Variants in SLC6A13 observed in about 807,000 individuals in gnomAD.
SLC6A13 encodes sodium- and chloride-dependent GABA transporter 2.
Under a neutral mutation model 72.9 loss-of-function variants are expected in SLC6A13, and 69 were observed. The observed-to-expected ratio is 0.95, with a 90% CI of 0.78 to 1.16. The LOEUF (loss-of-function observed/expected upper bound fraction) is 1.16, where lower values mean the gene tolerates loss of function less well. SLC6A13 is among the 50% of genes most tolerant of loss of function. SLC6A13 has a pLI of 0.00. For synonymous variants in SLC6A13, 303 were observed against 303.0 expected, an observed-to-expected ratio of 1.00 and a Z score of 0.00; for missense variants, 735 against 760.5, an observed-to-expected ratio of 0.97 and a Z score of 0.39.
chr12:223,552 A>AG (rs1278442751), intron 11 of SLC6A13, among the ~76,000 whole-genome samples: 1 of 152,080 alleles, frequency 6.6e-6, no homozygotes, highest in East Asian at 1.9e-4. Context: ...GATCAGGATA[A>AG]GGGCTGTCAT....
At position 222,487 on chromosome 12, in the gene SLC6A13, G is replaced by A. The variant is rs200019507; in HGVS notation, c.1515+45C>T. The A allele has an allele frequency of 9.1e-5, 117 of 1,282,578 alleles. No individual in the cohort carries two copies. In the African/African-American group the frequency reaches 9.8e-4, roughly 11 times the overall value. The allele number at this position is 1,282,578 out of a possible 1,614,324, so 79.4% of individuals were successfully genotyped here. On this transcript the variant is annotated intron_variant, in intron 13 of 14. Coordinates refer to ENST00000343164, the MANE Select transcript of SLC6A13 (RefSeq NM_016615.5). ...GGCTTCTCTACCCCTGCTAGCCACC[G>A]TCTCTCCCTCCCTTCATCTGACTTT...
chr12:221,352 C>T, intron 14 of SLC6A13, 24 bp downstream of exon 14: 1 of 1,561,156 alleles, frequency 6.4e-7, no homozygotes, highest in Non-Finnish European at 8.7e-7. Context: ...CCTCTGGCTG[C>T]TTTCCTGCCC....
Position 259,928 on chromosome 12 carries a change from A to G in SLC6A13, c.125T>C (p.Val42Ala). 6.2e-7 allele frequency: 1 copy of G among 1,614,216 alleles called. No individual in the cohort carries two copies. Among genetic ancestry groups the G allele is most frequent in the Non-Finnish European group, 8.5e-7 (1 of 1,180,014 alleles). Residue 42 changes from valine to alanine, a missense_variant, in exon 2 of 15, where the codon GTG becomes GCG. Val to Ala is a moderately conservative substitution (Grantham distance 64). Coordinates refer to ENST00000343164, the MANE Select transcript of SLC6A13 (RefSeq NM_016615.5). Reference protein sequence around the residue: ...RGHWNNKMEFVLSVAGEIIGL... With the variant: ...RGHWNNKMEFALSVAGEIIGL... ...AATGATCTCCCCAGCCACTGACAGC[A>G]CAAACTCCATCTTGTTGTTCCAGTG...
chr12:236,556 C>T (rs1324309948), intron 6 of SLC6A13, among the ~76,000 whole-genome samples: 1 of 152,224 alleles, frequency 6.6e-6, no homozygotes, highest in Non-Finnish European at 1.5e-5. Context: ...GACACATATT[C>T]AATAAATATT....
chr12:254,303 G>A lies in SLC6A13; in HGVS notation c.202+5548C>T, dbSNP rs1157555215. 1.3e-5 allele frequency among the ~76,000 whole-genome samples: 2 copies of A among 152,174 alleles called. No homozygotes were observed. Among genetic ancestry groups the A allele is most frequent in the African/African-American group, 4.8e-5 (2 of 41,432 alleles). ...GCCCAGAAGGGAAATACACAAGGAAGGGGTGGATTTTACCTACTCCCACAT... is the reference window on the plus strand; with the variant it reads ...GCCCAGAAGGGAAATACACAAGGAAAGGGTGGATTTTACCTACTCCCACAT... On this transcript the variant is annotated intron_variant, in intron 2 of 14. Transcript: ENST00000343164. This position sits in a 1 kb window ranked among gnomAD's most constrained non-coding sequence, Gnocchi z 4.4.
chr12:235,919 T>C (rs991176571), intron 6 of SLC6A13, among the ~76,000 whole-genome samples: 5 of 152,162 alleles, frequency 3.3e-5, no homozygotes, highest in Non-Finnish European at 2.9e-5. Context: ...GACTGAGATA[T>C]GCCCTGGTCT....
At chr12:238,097 G>T (rs1942007483) in intron 4 of SLC6A13, 87 bp from the exon 5 acceptor site, 9 of 1,572,452 alleles carry the variant, frequency 5.7e-6, no homozygotes, top group Non-Finnish European at 7.8e-6. Flanking sequence ...AATTCTAGGA[G>T]AATGGGAAGG....
At chr12:223,897 C>A in intron 11 of SLC6A13, 95 bp downstream of exon 11, 1 of 1,442,080 alleles carries the variant, frequency 6.9e-7, no homozygotes. Flanking sequence ...AGAAGACCTG[C>A]CCTGACCGGG....
At chr12:246,747 C>T (rs1251474155) in intron 2 of SLC6A13, among the ~76,000 whole-genome samples, 1 of 152,032 alleles carries the variant, frequency 6.6e-6, no homozygotes, top group Non-Finnish European at 1.5e-5. Context: ...GTAGTTCATG[C>T]CTGTAATCCC....
In SLC6A13 at chr12:222,235, T is replaced by A. The variant is rs563828681; in HGVS notation, c.1515+297A>T. Among the ~76,000 whole-genome samples the A allele has an allele frequency of 3.3e-5, 5 of 152,346 alleles. No homozygotes were observed. The East Asian group carries it at 5.8e-4, about 18-fold the overall frequency. On this transcript the variant is annotated intron_variant, in intron 13 of 14. Transcript: ENST00000343164. Reference sequence around the variant, plus strand: ...ATTAGGATTGCTGTGGTTATTAGCATTTTTATGAGCAGCCCAAGGCACCCG... The same window carrying A: ...ATTAGGATTGCTGTGGTTATTAGCAATTTTATGAGCAGCCCAAGGCACCCG...
intron 2 of SLC6A13, among the ~76,000 whole-genome samples, chr12:247,753 CAAAAAT>C (rs1942403742): frequency 1.3e-5 from 2 of 151,680 alleles, no homozygotes; most frequent in South Asian, 4.2e-4. Context: ...ACTGGTTAAA[CAAAAAT>C]AAAAACAATG....
intron 2 of SLC6A13, chr12:258,875 C>T: frequency 1.0e-6 from 1 of 971,590 alleles, no homozygotes; most frequent in Non-Finnish European, 1.2e-6. Flanking sequence ...AAAAGAGAGC[C>T]TATACTAGAA....
chr12:244,990 C>A (rs951168205), intron 2 of SLC6A13, among the ~76,000 whole-genome samples: 16 of 152,190 alleles, frequency 1.1e-4, no homozygotes, highest in African/African-American at 3.9e-4. Flanking sequence ...ATTTTCCCTA[C>A]CATGGACCTG....
chr12:237,333 C>A, intron 5 of SLC6A13, 43 bp from the exon 6 acceptor site: 1 of 1,608,664 alleles, frequency 6.2e-7, no homozygotes, highest in Middle Eastern at 1.7e-4. Flanking sequence ...TTTCTGCCAG[C>A]CTCAGTTTTG....
rs1942677188 is a variant in SLC6A13, at chr12:254,661, A to G, written c.202+5190T>C. 6.6e-6 allele frequency among the ~76,000 whole-genome samples: 1 copy of G among 152,110 alleles called. No homozygotes were observed. The highest frequency in any genetic ancestry group is 1.5e-5 in the Non-Finnish European group (1 of 68,034). On this transcript the variant is annotated intron_variant, in intron 2 of 14. Transcript: ENST00000343164. This position sits in a 1 kb window ranked among gnomAD's most constrained non-coding sequence, Gnocchi z 4.4. ...TGGTTTCCCATCTTCTCCCAGACCCACTAAAGGTCCTTACTTTCTTTTCTT... is the reference window on the plus strand; with the variant it reads ...TGGTTTCCCATCTTCTCCCAGACCCGCTAAAGGTCCTTACTTTCTTTTCTT...
intron 2 of SLC6A13, among the ~76,000 whole-genome samples, chr12:250,656 G>A (rs911019868): frequency 6.6e-6 from 1 of 151,964 alleles, no homozygotes; most frequent in African/African-American, 2.4e-5. Context: ...TAAATAAATG[G>A]AGAGTCATAC....
chr12:235,280 A>G (rs1941884670), intron 6 of SLC6A13, 56 bp from the exon 7 acceptor site: 2 of 1,599,700 alleles, frequency 1.3e-6, no homozygotes, highest in African/African-American at 1.3e-5. Context: ...CAGCAGGGGC[A>G]GGAGGCAGGG....
chr12:245,769 G>C (rs1942326238), intron 2 of SLC6A13, among the ~76,000 whole-genome samples: 2 of 152,010 alleles, frequency 1.3e-5, no homozygotes, highest in African/African-American at 4.8e-5. Context: ...CAGATCACGA[G>C]GTCAAGAGAT....
chr12:238,259 A>T (rs1245990362), intron 4 of SLC6A13: 1 of 1,478,932 alleles, frequency 6.8e-7, no homozygotes, highest in Admixed American at 2.0e-5. Flanking sequence ...GCATGATCAG[A>T]TGGCAACAGG....
Sources: allele counts gnomAD v4.1 joint callset (sites outside exome capture counted in the v4.1 genomes callset), GRCh38; gene constraint gnomAD v4.1.1; non-coding constraint Gnocchi (gnomAD v3.1); transcripts MANE v1.5; gene names NCBI Gene and HGNC (gene_info 2026-07-23, HGNC 2026-07-21).